Variants in ANKRD17 observed in about 807,000 individuals in gnomAD.
ANKRD17 encodes the protein ankyrin repeat domain 17.
A neutral mutation model predicts 229.7 loss-of-function variants in ANKRD17; 19 were observed. That is an observed-to-expected ratio of 0.08 (90% CI 0.06 to 0.12). The LOEUF (loss-of-function observed/expected upper bound fraction) is 0.12. Ranked by LOEUF, ANKRD17 falls within the 10% of genes least tolerant of loss-of-function variation. ANKRD17 has a pLI of 1.00. For synonymous variants in ANKRD17, 1,112 were observed against 1,146.1 expected, an observed-to-expected ratio of 0.97 and a Z score of 0.60; for missense variants, 2,176 against 3,176.8, an observed-to-expected ratio of 0.68 and a Z score of 7.57.
At position 73,078,632 on chromosome 4, in the gene ANKRD17, A is replaced by G; in HGVS notation, c.7408+10T>C. On this transcript the variant is annotated intron_variant, in intron 31 of 33. Coordinates refer to ENST00000358602, the MANE Select transcript of ANKRD17 (RefSeq NM_032217.5). ...AGTTAATTTCTAGAGAGCAGGACAG[A>G]ATATCCTACCTTGATTGCCACCAAT... The G allele has an allele frequency of 6.2e-7, 1 of 1,612,992 alleles. No individual in the cohort carries two copies.
chr4:73,106,618 C>T (rs551579642), intron 24 of ANKRD17, among the ~76,000 whole-genome samples: 3 of 152,238 alleles, frequency 2.0e-5, no homozygotes, highest in South Asian at 2.1e-4. Context: ...CGGTGGCTCA[C>T]GCCTGTAATC....
intron 2 of ANKRD17, among the ~76,000 whole-genome samples, chr4:73,169,345 G>T (rs1479675782): frequency 2.0e-5 from 3 of 152,072 alleles, no homozygotes; most frequent in African/African-American, 7.2e-5. Flanking sequence ...ATCATGGTTT[G>T]AGTGCCAGCT....
chr4:73,155,860 C>A, intron 4 of ANKRD17, 82 bp from the exon 5 acceptor site: 2 of 1,515,658 alleles, frequency 1.3e-6, no homozygotes, highest in Non-Finnish European at 1.8e-6. Flanking sequence ...TAACGTCTAC[C>A]TAGTCATAGT....
intron 22 of ANKRD17, 87 bp from the exon 23 acceptor site, chr4:73,116,003 T>C (rs1164303343): frequency 5.5e-6 from 6 of 1,100,776 alleles, no homozygotes; most frequent in Admixed American, 5.2e-5. Context: ...CAGTTAAGAT[T>C]AGGGCCACAA....
At chr4:73,200,113 T>C (rs1367888299) in intron 1 of ANKRD17, among the ~76,000 whole-genome samples, 1 of 152,210 alleles carries the variant, frequency 6.6e-6, no homozygotes, top group Non-Finnish European at 1.5e-5. Flanking sequence ...TGAAAAAGTC[T>C]ACCATGACAG....
At chr4:73,209,596 A>G (rs1055815574) in intron 1 of ANKRD17, among the ~76,000 whole-genome samples, 4 of 152,184 alleles carry the variant, frequency 2.6e-5, no homozygotes, top group African/African-American at 9.7e-5. Flanking sequence ...AAAGAAGGAT[A>G]TACTCCCAAT....
intron 24 of ANKRD17, among the ~76,000 whole-genome samples, chr4:73,109,446 A>G (rs899868670): frequency 6.6e-6 from 1 of 152,134 alleles, no homozygotes; most frequent in Non-Finnish European, 1.5e-5. Flanking sequence ...GAGGAGGTGC[A>G]GGTATTGGTG....
At chr4:73,108,476 T>C (rs1460618919) in intron 24 of ANKRD17, among the ~76,000 whole-genome samples, 3 of 151,658 alleles carry the variant, frequency 2.0e-5, no homozygotes, top group African/African-American at 7.3e-5. Flanking sequence ...CGCTAAAAGG[T>C]AGGGGAGAAG....
chr4:73,201,326 T>G (rs1357773648), intron 1 of ANKRD17, among the ~76,000 whole-genome samples: 1 of 152,102 alleles, frequency 6.6e-6, no homozygotes, highest in Non-Finnish European at 1.5e-5. Flanking sequence ...AAACTTTTTT[T>G]ACTATAGGGA....
Position 73,091,044 on chromosome 4 carries a change from A to G in ANKRD17, c.6584T>C (p.Val2195Ala), listed in dbSNP as rs780780983. The change falls in exon 29 of 34, where the codon GTG becomes GCG. Residue 2195 changes from valine (V) to alanine (A), a missense_variant. Val to Ala is a moderately conservative substitution (Grantham distance 64). Around this residue, in one of 18 missense-constraint regions of ANKRD17, gnomAD observed 424 missense variants for 454.0 expected, o/e 0.93. Transcript: ENST00000358602. ...TTAPHKNSAS[V>A]QNSSVAVLSV... ...GAGGACTGCAACAGATGAATTTTGC[A>G]CTGAAGCTGAATTCTTGTGAGGGGC... is the stretch of plus-strand genomic sequence containing the variant. 3 of 1,614,080 alleles carry G rather than the reference A, an allele frequency of 1.9e-6. No homozygotes were observed. Among genetic ancestry groups the G allele is most frequent in the Non-Finnish European group, 2.5e-6 (3 of 1,180,046 alleles).
intron 1 of ANKRD17, among the ~76,000 whole-genome samples, chr4:73,220,247 G>A (rs1049757659): frequency 3.3e-5 from 5 of 152,100 alleles, no homozygotes; most frequent in African/African-American, 1.2e-4. Flanking sequence ...TGAGCTGTCA[G>A]CCCTTTTTCT....
At chr4:73,168,891 T>G (rs1203749381) in intron 2 of ANKRD17, 1 of 152,178 alleles carries the variant, frequency 6.6e-6, no homozygotes, top group African/African-American at 2.4e-5. Context: ...ACCGAGGTAA[T>G]GAGCATAGTA....
intron 1 of ANKRD17, among the ~76,000 whole-genome samples, chr4:73,231,797 G>C (rs148381453): frequency 6.6e-6 from 1 of 152,136 alleles, no homozygotes; most frequent in Non-Finnish European, 1.5e-5. Flanking sequence ...AAAAAGGGGA[G>C]AATAAAAGTG....
At chr4:73,218,391 T>C (rs1171050432) in intron 1 of ANKRD17, among the ~76,000 whole-genome samples, 1 of 152,098 alleles carries the variant, frequency 6.6e-6, no homozygotes, top group South Asian at 2.1e-4. Flanking sequence ...AAGCCATTAC[T>C]GAGCACTTTG....
At chr4:73,242,076 GA>G (rs1441347815) in intron 1 of ANKRD17, among the ~76,000 whole-genome samples, 1 of 152,096 alleles carries the variant, frequency 6.6e-6, no homozygotes, top group Non-Finnish European at 1.5e-5. Flanking sequence ...AAAAATAAGA[GA>G]AAGACAAGTA....
intron 2 of ANKRD17, among the ~76,000 whole-genome samples, chr4:73,163,222 T>C (rs1040773771): frequency 2.0e-5 from 3 of 152,032 alleles, no homozygotes; most frequent in African/African-American, 7.2e-5. Context: ...ATTCAGTAAG[T>C]AGAAAGCAGG....
At chr4:73,227,570 C>T (rs574924754) in intron 1 of ANKRD17, among the ~76,000 whole-genome samples, 1 of 151,948 alleles carries the variant, frequency 6.6e-6, no homozygotes, top group South Asian at 2.1e-4. Context: ...TAGCAATTAA[C>T]ATATTAAGCT....
chr4:73,223,756 C>T (rs948331355), intron 1 of ANKRD17, among the ~76,000 whole-genome samples: 9 of 151,998 alleles, frequency 5.9e-5, no homozygotes, highest in African/African-American at 2.2e-4. Context: ...ACAATAAATA[C>T]TCTAAGAGAC....
In ANKRD17 at chr4:73,085,342, C is replaced by T; in HGVS notation, c.7066G>A (p.Ala2356Thr). ...ISGGQMYGPG[A>T]PLGGAPAAAN... is the part of the protein sequence containing the mutation. The stretch of plus-strand genomic sequence containing the variant: ...GCTGCGGGTGCTCCTCCAAGGGGTG[C>T]CCCAGGTCCGTACATCTGACCTCCT... The change falls in exon 30 of 34, where the codon GCA becomes ACA. Residue 2356 changes from alanine (A) to threonine (T), a missense_variant. Physicochemically the swap from Ala to Thr is moderately conservative, Grantham distance 58. This residue lies in a region of ANKRD17 where 87 missense variants were observed against 116.0 expected (regional missense o/e 0.75). Coordinates refer to ENST00000358602, the MANE Select transcript of ANKRD17 (RefSeq NM_032217.5). 1 of 1,614,020 alleles carries T rather than the reference C, an allele frequency of 6.2e-7. No homozygotes were observed.
Sources: gnomAD v4.1 joint callset for allele counts (sites outside exome capture counted in the v4.1 genomes callset) on GRCh38, gnomAD v4.1.1 for gene constraint, gnomAD v4.1.1 regional missense constraint, MANE v1.5 for transcripts, NCBI Gene and HGNC (gene_info 2026-07-23, HGNC 2026-07-21) for gene names.